The following ERCC1 variants were observed in gnomAD, a reference collection of about 807,000 sequenced individuals.
ERCC1 encodes DNA excision repair protein ERCC-1.
A neutral mutation model predicts 37.6 loss-of-function variants in ERCC1; 36 were observed. The ratio of observed to expected loss-of-function variants is 0.96; its 90% CI spans 0.73 to 1.26. The LOEUF (loss-of-function observed/expected upper bound fraction) is 1.26. Ranked by LOEUF, ERCC1 falls within the 50% of genes most tolerant of loss-of-function variation. ERCC1 has a pLI of 0.00. For synonymous variants in ERCC1, 156 were observed against 162.1 expected, an observed-to-expected ratio of 0.96 and a Z score of 0.28; for missense variants, 349 against 376.5, an observed-to-expected ratio of 0.93 and a Z score of 0.60.
chr19:45,433,033 T>C (rs545341884), intron 1 of ERCC1, among the ~76,000 whole-genome samples: 1 of 152,076 alleles, frequency 6.6e-6, no homozygotes, highest in Admixed American at 6.6e-5. Context: ...TGAGCCGAGA[T>C]CGCGCCACTG....
chr19:45,421,390 T>A lies in ERCC1; in HGVS notation c.109A>T (p.Lys37Ter), dbSNP rs1254041119. 1.3e-6 allele frequency: 2 copies of A among 1,570,518 alleles called. No individual in the cohort carries two copies. Among genetic ancestry groups the A allele is most frequent in the Admixed American group, 3.5e-5 (2 of 56,444 alleles). The stretch of plus-strand genomic sequence containing the variant: ...CTCTGTGTAGATCGGAATAAGGGCT[T>A]GGCCTGTGGGGAGAAAGGGAGTTTG... ...DEDEVPPGVA[K>*]PLFRSTQSLP... Residue 37 changes from lysine to a stop codon, truncating the protein, a stop_gained, in exon 3 of 10, where the codon AAG becomes TAG. Transcript: ENST00000300853. LOFTEE classifies it high-confidence loss of function.
chr19:45,425,980 A>C (rs577563703), upstream of ERCC1, among the ~76,000 whole-genome samples: 9 of 151,758 alleles, frequency 5.9e-5, no homozygotes, highest in South Asian at 1.5e-3. Context: ...ATGGTGGCTA[A>C]TGTCTGTAAT....
intron 5 of ERCC1, among the ~76,000 whole-genome samples, chr19:45,417,521 C>T (rs1476364293): frequency 6.6e-6 from 1 of 151,974 alleles, no homozygotes; most frequent in African/African-American, 2.4e-5. Context: ...GGAAAGAGGG[C>T]TTGAGGAATT....
At chr19:45,423,459 A>C in intron 1 of ERCC1, 78 bp from the exon 2 acceptor site, 1 of 1,522,376 alleles carries the variant, frequency 6.6e-7, no homozygotes, top group African/African-American at 1.6e-5. Context: ...CCCCACTCAC[A>C]GCCGTCCCCC....
chr19:45,433,704 A>G (rs1196903274), intron 1 of ERCC1, among the ~76,000 whole-genome samples: 2 of 151,396 alleles, frequency 1.3e-5, no homozygotes, highest in South Asian at 4.2e-4. Context: ...AAAAAAAAAA[A>G]GAATCAATGA....
At chr19:45,426,412 A>C (rs1974693764), upstream of ERCC1, among the ~76,000 whole-genome samples, 1 of 140,730 alleles carries the variant, frequency 7.1e-6, no homozygotes, top group Non-Finnish European at 1.5e-5. Context: ...TTAGCCGGGC[A>C]TGGTGGCACA....
chr19:45,414,970 C>G lies in ERCC1; in HGVS notation c.603-10G>C. The stretch of plus-strand genomic sequence containing the variant: ...CCCAGCTTCCTCGGGGCTGGGATAA[C>G]AGGATACAGGGCAGCCGGGAGGTGA... On this transcript the variant is annotated splice_polypyrimidine_tract_variant and intron_variant, in intron 6 of 9. Transcript: ENST00000300853. 1 of 1,601,060 alleles carries G rather than the reference C, an allele frequency of 6.2e-7. No homozygotes were observed. Among genetic ancestry groups the G allele is most frequent in the Admixed American group, 1.7e-5 (1 of 59,946 alleles).
intron 1 of ERCC1, among the ~76,000 whole-genome samples, chr19:45,439,080 G>C (rs1346571952): frequency 6.6e-6 from 1 of 152,054 alleles, no homozygotes; most frequent in Non-Finnish European, 1.5e-5. Flanking sequence ...CAGCTACTCG[G>C]GAGGCTAAGG....
upstream of ERCC1, among the ~76,000 whole-genome samples, chr19:45,428,289 T>TGGG (rs139177503): frequency 2.9e-4 from 18 of 61,558 alleles, no homozygotes; most frequent in African/African-American, 7.9e-4. Flanking sequence ...GGTGGGGGGG[T>TGGG]GGGGTCTCAC....
intron 1 of ERCC1, 164 bp downstream of exon 1, chr19:45,423,617 G>T: frequency 7.2e-7 from 1 of 1,381,048 alleles, no homozygotes; most frequent in East Asian, 2.7e-5. Flanking sequence ...GCCCCCACCG[G>T]ATTCTATTGG....
At chr19:45,411,393 TG>T (rs537276130) in intron 9 of ERCC1, among the ~76,000 whole-genome samples, 83 of 152,212 alleles carry the variant, frequency 5.5e-4, no homozygotes, top group Non-Finnish European at 9.4e-4. Flanking sequence ...GTGGTTGTAC[TG>T]ATTTACATTC....
intron 1 of ERCC1, among the ~76,000 whole-genome samples, chr19:45,442,352 A>G (rs557730587): frequency 1.3e-5 from 2 of 151,970 alleles, no homozygotes; most frequent in African/African-American, 4.8e-5. Context: ...AAGTTTTGGT[A>G]ACTACAAAAG....
At chr19:45,423,238 C>T in intron 2 of ERCC1, 32 bp downstream of exon 2, 3 of 1,593,772 alleles carry the variant, frequency 1.9e-6, no homozygotes, top group South Asian at 2.3e-5. Flanking sequence ...CAGCCCCCAG[C>T]CTCCCAGGGG....
intron 1 of ERCC1, among the ~76,000 whole-genome samples, chr19:45,442,327 AAAG>A (rs1975142966): frequency 6.9e-6 from 1 of 144,230 alleles, no homozygotes; most frequent in East Asian, 2.5e-4. Context: ...AAAAAAAAAA[AAAG>A]AAAAAGAAAA....
At chr19:45,441,564 G>T (rs559450717) in intron 1 of ERCC1, among the ~76,000 whole-genome samples, 1 of 152,200 alleles carries the variant, frequency 6.6e-6, no homozygotes, top group Admixed American at 6.5e-5. Flanking sequence ...TTGTAGAGAC[G>T]GGGTTTTACT....
chr19:45,410,730 G>A (rs1364400438), intron 9 of ERCC1: 2 of 152,054 alleles, frequency 1.3e-5, no homozygotes, highest in South Asian at 2.1e-4. Flanking sequence ...ATAAGAACAT[G>A]CAATGTTTGT....
chr19:45,436,067 A>AT (rs144097468), intron 1 of ERCC1, among the ~76,000 whole-genome samples: 3,241 of 151,822 alleles, frequency 0.021, 111 homozygotes, highest in African/African-American at 0.074. Flanking sequence ...TGCCCAGCCT[A>AT]TTTTTTTTAA....
rs765577776 is a variant in ERCC1 at position 45,408,367 on chromosome 19, C to T, written c.*1308G>A. ...TGTCAGGGAGCCCTCTGCAGCCCAT[C>T]CCAGCAAGTCCCCCACCACAGATCC... On this transcript the variant is annotated 3_prime_UTR_variant, in exon 10 of 10. Transcript: ENST00000300853. 9 of 1,607,836 alleles carry T rather than the reference C, an allele frequency of 5.6e-6. No individual in the cohort carries two copies. The African/African-American group carries it at 9.4e-5, about 17-fold the overall frequency.
chr19:45,420,202 C>T lies in ERCC1; in HGVS notation c.425+122G>A, dbSNP rs1331453034. Reference sequence around the variant, plus strand: ...CCTCCAACACAGGGTCCCACCAAGGCCCAGAACCTGCAGGACCATGCCCAG... The same window carrying T: ...CCTCCAACACAGGGTCCCACCAAGGTCCAGAACCTGCAGGACCATGCCCAG... On this transcript the variant is annotated intron_variant, in intron 4 of 9. Transcript: ENST00000300853. The surrounding 1 kb of genome is among the most constrained non-coding windows in gnomAD (Gnocchi z 4.8). 1 of 739,292 alleles carries T rather than the reference C, an allele frequency of 1.4e-6. No homozygotes were observed. Among genetic ancestry groups the T allele is most frequent in the East Asian group, 2.7e-5 (1 of 37,130 alleles). The allele number at this position is 739,292 out of a possible 1,614,324, so 45.8% of individuals were successfully genotyped here. A position where few individuals can be genotyped will look rare whatever the true frequency, so the allele number is the denominator to read the frequency against.
Sources: allele counts gnomAD v4.1 joint callset (sites outside exome capture counted in the v4.1 genomes callset), GRCh38; gene constraint gnomAD v4.1.1; non-coding constraint Gnocchi (gnomAD v3.1); transcripts MANE v1.5; gene names NCBI Gene and HGNC (gene_info 2026-07-23, HGNC 2026-07-21).